Variants in PUDP observed in about 807,000 individuals in gnomAD.
The protein encoded by PUDP is pseudouridine 5'-phosphatase.
Under a neutral mutation model 9.4 loss-of-function variants are expected in PUDP, and 8 were observed. The observed-to-expected ratio is 0.85, with a 90% CI of 0.50 to 1.53. PUDP has a LOEUF of 1.53. Among genes scored for constraint, PUDP ranks in the 40% most tolerant of loss-of-function variants. The pLI, the probability that PUDP is intolerant of heterozygous loss-of-function variation, is 0.00. For missense variants in PUDP, 188 were observed against 189.7 expected, an observed-to-expected ratio of 0.99 and a Z score of 0.05; for synonymous variants, 99 against 80.7, an observed-to-expected ratio of 1.23 and a Z score of -1.22.
At chrX:7,073,699 T>C (rs1930812104) in intron 3 of PUDP, among the ~76,000 whole-genome samples, 1 of 112,949 alleles carries the variant, frequency 8.9e-6, no homozygotes, top group Non-Finnish European at 1.9e-5. Context: ...CCTTTAGTAT[T>C]ACAATATGCA....
chrX:6,949,012 G>A (rs993652220), intron 3 of PUDP, among the ~76,000 whole-genome samples: 3 of 112,280 alleles, frequency 2.7e-5, no homozygotes, highest in African/African-American at 9.7e-5. Flanking sequence ...CTTTGCCATT[G>A]CACAGAAGTC....
At chrX:7,027,281 A>G (rs1929724539) in intron 1 of PUDP, among the ~76,000 whole-genome samples, 1 of 111,107 alleles carries the variant, frequency 9.0e-6, no homozygotes, top group Non-Finnish European at 1.9e-5. Flanking sequence ...ACGAGCCAAC[A>G]CTGAAAACTT....
At chrX:6,991,145 T>C (rs1187906666) in intron 1 of PUDP, among the ~76,000 whole-genome samples, 1 of 112,159 alleles carries the variant, frequency 8.9e-6, no homozygotes, top group East Asian at 2.8e-4. Flanking sequence ...AAGCAAGTTC[T>C]TCTCTATCTG....
At chrX:6,987,130 G>A (rs1004263830) in intron 1 of PUDP, among the ~76,000 whole-genome samples, 2 of 112,212 alleles carry the variant, frequency 1.8e-5, no homozygotes, top group African/African-American at 3.2e-5. Flanking sequence ...TGAGCTTCAC[G>A]TAGGTGGGAT....
intron 3 of PUDP, among the ~76,000 whole-genome samples, chrX:6,918,458 C>CA (rs33975027): frequency 0.21 from 21,995 of 103,358 alleles, 1,864 homozygotes; most frequent in Admixed American, 0.35. Flanking sequence ...CTTTGAAATA[C>CA]AAAAAAAAAA....
chrX:6,900,051 A>G (rs1264789637), intron 3 of PUDP, among the ~76,000 whole-genome samples: 1 of 110,579 alleles, frequency 9.0e-6, no homozygotes, highest in African/African-American at 3.3e-5. Context: ...TGTCTTTACA[A>G]CAAATAAAAC....
rs192882876 is a variant in PUDP, at chrX:7,072,594, A to G, written c.510+4626T>C. ...TTTGGGAGGCCGAGGTGGGCAGATC[A>G]CCTGAAGTCAGGAATTCAAGACCAG... On this transcript the variant is annotated intron_variant, in intron 3 of 3. Transcript: ENST00000381077. Among the ~76,000 whole-genome samples the G allele has an allele frequency of 8.6e-3, 949 of 110,519 alleles. 38 individuals carry two copies. Among genetic ancestry groups the G allele is most frequent in the Admixed American group, 0.084 (865 of 10,351 alleles).
intron 3 of PUDP, among the ~76,000 whole-genome samples, chrX:6,840,514 T>C (rs1257210150): frequency 1.8e-5 from 2 of 112,357 alleles, no homozygotes; most frequent in African/African-American, 6.5e-5. Flanking sequence ...ACATACTATA[T>C]GATTTCAACT....
At chrX:6,992,562 G>A (rs1929199413) in intron 1 of PUDP, among the ~76,000 whole-genome samples, 1 of 110,177 alleles carries the variant, frequency 9.1e-6, no homozygotes, top group African/African-American at 3.3e-5. Context: ...GTGAACCACC[G>A]CGCCCGGCCC....
chrX:7,038,225 G>A (rs974785941), intron 1 of PUDP, among the ~76,000 whole-genome samples: 1 of 112,322 alleles, frequency 8.9e-6, no homozygotes, highest in African/African-American at 3.2e-5. Context: ...ACATGCTGTT[G>A]TGCAGAAAGC....
intron 3 of PUDP, among the ~76,000 whole-genome samples, chrX:6,916,353 G>A (rs1399166420): frequency 9.2e-6 from 1 of 108,286 alleles, no homozygotes; most frequent in Admixed American, 1.0e-4. Flanking sequence ...ACACTGTGTC[G>A]TGCCTCCCCA....
At chrX:6,911,811 T>C (rs1012281042) in intron 3 of PUDP, among the ~76,000 whole-genome samples, 7 of 112,178 alleles carry the variant, frequency 6.2e-5, no homozygotes, top group Admixed American at 3.8e-4. Flanking sequence ...GTCAATACTT[T>C]GAAATTATTT....
chrX:7,050,326 G>A lies in PUDP; in HGVS notation c.657C>T (p.Pro219=), dbSNP rs374553245. 1.9e-4 allele frequency: 232 copies of A among 1,209,480 alleles called. No homozygotes were observed. Among genetic ancestry groups the A allele is most frequent in the Non-Finnish European group, 2.4e-4 (218 of 894,931 alleles). The change falls in exon 4 of 4, where the codon CCC becomes CCT. Residue 219 remains proline (P), a synonymous_variant. Transcript: ENST00000381077. ...LVLNSLQDFQ[P]ELFGLPSYE ...CATAGGAGGGCAAACCAAACAGCTC[G>A]GGCTGGAAGTCCTGCAGGGAATTCA...
intron 3 of PUDP, among the ~76,000 whole-genome samples, chrX:6,748,767 G>C (rs1482636065): frequency 1.8e-5 from 2 of 112,071 alleles, no homozygotes; most frequent in Admixed American, 1.9e-4. Flanking sequence ...AATTCTGAAA[G>C]TAGAATAAGT....
intron 3 of PUDP, among the ~76,000 whole-genome samples, chrX:6,968,588 G>T (rs1257577173): frequency 9.0e-6 from 1 of 110,689 alleles, no homozygotes; most frequent in Admixed American, 9.7e-5. Context: ...CTGAGCAGGG[G>T]TCTGTGTTTT....
intron 3 of PUDP, among the ~76,000 whole-genome samples, chrX:6,735,813 T>A (rs1363511647): frequency 9.0e-6 from 1 of 110,884 alleles, no homozygotes; most frequent in African/African-American, 3.3e-5. Context: ...TAGGGAGGAT[T>A]GCTTGAGCTT....
At position 6,846,158 on chromosome X, in the gene PUDP, T is replaced by C. The variant is rs761008748; in HGVS notation, c.*247+130975A>G. On this transcript the variant is annotated intron_variant and NMD_transcript_variant, in intron 3 of 3. Coordinates refer to the PUDP transcript ENST00000655425. ...TTTTTTGAAAAGTGTCAGTTTTCTC[T>C]GGGAGGCCGAGGCGGGCGGGCGGAT... Among the ~76,000 whole-genome samples the C allele has an allele frequency of 6.9e-3, 773 of 111,253 alleles. 4 individuals carry two copies. The highest frequency in any genetic ancestry group is 0.01 in the Non-Finnish European group (554 of 52,998).
At chrX:6,888,347 A>G (rs1927460963) in intron 3 of PUDP, among the ~76,000 whole-genome samples, 1 of 110,481 alleles carries the variant, frequency 9.1e-6, no homozygotes, top group Non-Finnish European at 1.9e-5. Context: ...TTTTTTTATC[A>G]AGAGGAAATT....
intron 3 of PUDP, among the ~76,000 whole-genome samples, chrX:6,804,431 G>A (rs11797674): frequency 0.04 from 4,491 of 111,333 alleles, 85 homozygotes; most frequent in Non-Finnish European, 0.061. Context: ...TACCTATGAC[G>A]TATCAATCAT....
Sources: allele counts gnomAD v4.1 joint callset (sites outside exome capture counted in the v4.1 genomes callset), GRCh38; gene constraint gnomAD v4.1.1; transcripts MANE v1.5; gene names NCBI Gene and HGNC (gene_info 2026-07-23, HGNC 2026-07-21).